The following KIR3DL2 variants were observed in gnomAD, a reference collection of about 807,000 sequenced individuals.
KIR3DL2 encodes killer cell immunoglobulin like receptor, three Ig domains and long cytoplasmic tail 2.
In KIR3DL2, 42 loss-of-function variants were observed where a neutral mutation model predicts 41.6. The ratio of observed to expected loss-of-function variants is 1.01; its 90% CI spans 0.79 to 1.31. The LOEUF is 1.31. KIR3DL2 is among the 50% of genes most tolerant of loss of function. The probability of loss-of-function intolerance (pLI) is 0.00; values close to 1 mark genes in which losing one functional copy is unlikely to be tolerated. For missense variants in KIR3DL2, 728 were observed against 576.8 expected, an observed-to-expected ratio of 1.26 and a Z score of -2.68; for synonymous variants, 230 against 221.3, an observed-to-expected ratio of 1.04 and a Z score of -0.35.
rs1334589381 is a variant in KIR3DL2, at chr19:54,852,125, C to G, written c.198C>G (p.Ser66Arg). The stretch of plus-strand genomic sequence containing the variant: ...TCATGCTGTACAAAGAAGACAGAAG[C>G]CACGTTCCCATCTTCCACGGCAGAA... ...NNFMLYKEDR[S>R]HVPIFHGRIF... is the part of the protein sequence containing the mutation. Residue 66 changes from serine (S) to arginine (R), a missense_variant, in exon 3 of 9, where the codon AGC becomes AGG. By Grantham distance (110) the Ser-to-Arg change is moderately radical. Transcript: ENST00000326321. 1 of 1,612,928 alleles carries G rather than the reference C, an allele frequency of 6.2e-7. No homozygotes were observed. Among genetic ancestry groups the G allele is most frequent in the Non-Finnish European group, 8.5e-7 (1 of 1,179,644 alleles).
intron 8 of KIR3DL2, 38 bp downstream of exon 8, chr19:54,866,460 T>C (rs906419071): frequency 1.9e-6 from 3 of 1,613,926 alleles, no homozygotes; most frequent in South Asian, 1.1e-5. Flanking sequence ...GATACAGTCT[T>C]ATCCCTAATA....
chr19:54,866,436 G>C lies in KIR3DL2; in HGVS notation c.1158+14G>C. The C allele has an allele frequency of 6.2e-7, 1 of 1,613,786 alleles. No homozygotes were observed. The highest frequency in any genetic ancestry group is 1.1e-5 in the South Asian group (1 of 91,070). ...GTGAATAGGCAGGTAGGTCCTCCTC[G>C]GCCCAGCCTCACGGATACAGTCTTA... On this transcript the variant is annotated intron_variant, in intron 8 of 8. Transcript: ENST00000326321.
At chr19:54,854,163 C>G (rs1394272474) in intron 4 of KIR3DL2, 117 bp downstream of exon 4, 1 of 1,287,414 alleles carries the variant, frequency 7.8e-7, no homozygotes, top group Non-Finnish European at 1.1e-6. Context: ...TGGAGAGAGA[C>G]TGACTCGGTG....
rs369114807 is a variant in KIR3DL2 at position 54,865,664 on chromosome 19, G to A, written c.1001-141G>A. The A allele has an allele frequency of 1.4e-5, 10 of 718,408 alleles. No homozygotes were observed. The South Asian group carries it at 1.7e-4, about 12-fold the overall frequency. 44.5% of individuals were successfully genotyped at this position (718,408 alleles called of 1,614,324 possible). On this transcript the variant is annotated intron_variant, in intron 6 of 8. Transcript: ENST00000326321. ...TATGAGAGCTGTAACTGAGAAAGCA[G>A]GAGAAAGCTGGGTCTCCCGCCATCA...
chr19:54,855,586 C>A lies in KIR3DL2; in HGVS notation c.656-33C>A, dbSNP rs2064680832. The A allele has an allele frequency of 3.7e-6, 6 of 1,603,178 alleles. 1 individual carries two copies. Among genetic ancestry groups the A allele is most frequent in the Admixed American group, 1.8e-5 (1 of 56,346 alleles). ...TGAGGGGAGCTGTGACAAGGAAGAA[C>A]CTCCCTGAGGAAACTGCCTCTTCTC... is the stretch of plus-strand genomic sequence containing the variant. On this transcript the variant is annotated intron_variant, in intron 4 of 8. Transcript: ENST00000326321.
intron 2 of KIR3DL2, among the ~76,000 whole-genome samples, chr19:54,851,738 AC>A (rs1453775656): frequency 6.6e-6 from 1 of 151,562 alleles, no homozygotes; most frequent in African/African-American, 2.4e-5. Flanking sequence ...TGCCGTGTCT[AC>A]TTTGTGTTGT....
At chr19:54,858,384 T>G (rs1396560551) in intron 5 of KIR3DL2, among the ~76,000 whole-genome samples, 1 of 150,278 alleles carries the variant, frequency 6.7e-6, no homozygotes, top group African/African-American at 2.5e-5. Context: ...CCCACACCAT[T>G]TATTGAAGAC....
chr19:54,864,719 C>T (rs571844778), intron 6 of KIR3DL2, among the ~76,000 whole-genome samples: 2 of 152,138 alleles, frequency 1.3e-5, no homozygotes, highest in Admixed American at 6.5e-5. Flanking sequence ...TATCCTGAGA[C>T]TTTGTAGAAG....
At chr19:54,854,565 C>T (rs1480456604) in intron 4 of KIR3DL2, among the ~76,000 whole-genome samples, 1 of 151,750 alleles carries the variant, frequency 6.6e-6, no homozygotes, top group Non-Finnish European at 1.5e-5. Context: ...AGAACACCAA[C>T]CCCTAAATAC....
At position 54,851,253 on chromosome 19, in the gene KIR3DL2, TG is replaced by T. The variant is rs2064207922; in HGVS notation, c.70+1del. 6.2e-6 allele frequency: 10 copies of T among 1,608,382 alleles called. No individual in the cohort carries two copies. The highest frequency in any genetic ancestry group is 8.5e-6 in the Non-Finnish European group (10 of 1,177,548). ...FFLLQGAWPL[M>X]GGQDKPFLSA... ...TTGCTGCAGGGGGCCTGGCCACTCA[TG>T]GGTGAGTCCGTCCCCAAACCTTAGG... On this transcript the variant is annotated frameshift_variant and splice_region_variant, in exon 2 of 9. Coordinates refer to ENST00000326321, the MANE Select transcript of KIR3DL2 (RefSeq NM_006737.4). LOFTEE classifies it high-confidence loss of function.
intron 6 of KIR3DL2, among the ~76,000 whole-genome samples, chr19:54,861,211 G>T (rs12608800): frequency 7.7e-6 from 1 of 130,518 alleles, no homozygotes; most frequent in Non-Finnish European, 1.7e-5. Context: ...GGAAAGGCTT[G>T]CTGGGTTTAA....
rs1396260353 is a variant in KIR3DL2, at chr19:54,866,702, C to G, written c.1339C>G (p.Pro447Ala). ...CAAAGTTGTCTCCTGCCCACGAGCACCACAGTCAGGTCTTGAGGGGGTTTT... is the reference window on the plus strand; with the variant it reads ...CAAAGTTGTCTCCTGCCCACGAGCAGCACAGTCAGGTCTTGAGGGGGTTTT... ...RSKVVSCPRA[P>A]QSGLEGVF Residue 447 changes from proline to alanine, a missense_variant, in exon 9 of 9, where the codon CCA becomes GCA. Coordinates refer to ENST00000326321, the MANE Select transcript of KIR3DL2 (RefSeq NM_006737.4). 1 of 1,613,990 alleles carries G rather than the reference C, an allele frequency of 6.2e-7. No homozygotes were observed. Among genetic ancestry groups the G allele is most frequent in the Non-Finnish European group, 8.5e-7 (1 of 1,179,960 alleles).
rs2065404024 is a variant in KIR3DL2 at position 54,864,925 on chromosome 19, T to G, written c.1001-880T>G. On this transcript the variant is annotated intron_variant, in intron 6 of 8. Transcript: ENST00000326321. ...TAGGAGTGGTGAAAGAGGGCATCCC[T>G]GTCTTGTGCCAGTTTTCAAAGGGAA... 3.3e-5 allele frequency among the ~76,000 whole-genome samples: 5 copies of G among 152,156 alleles called. No individual in the cohort carries two copies. In the South Asian group the frequency reaches 1.0e-3, roughly 31 times the overall value.
In KIR3DL2 at chr19:54,865,910, G is replaced by A. The variant is rs1416293755; in HGVS notation, c.1105+1G>A. ...TATCGCTGGTGCTCCAACAAAAAGA[G>A]TAAGTCTCACGAAGCAGAGGCCAGA... is the stretch of plus-strand genomic sequence containing the variant. On this transcript the variant is annotated splice_donor_variant, in intron 7 of 8. Coordinates refer to ENST00000326321, the MANE Select transcript of KIR3DL2 (RefSeq NM_006737.4). LOFTEE classifies it high-confidence loss of function. The A allele has an allele frequency of 6.2e-7, 1 of 1,610,522 alleles. No individual in the cohort carries two copies. The highest frequency in any genetic ancestry group is 2.2e-5 in the East Asian group (1 of 44,870).
At chr19:54,853,368 T>C (rs2064454427) in intron 3 of KIR3DL2, among the ~76,000 whole-genome samples, 1 of 151,700 alleles carries the variant, frequency 6.6e-6, no homozygotes, top group African/African-American at 2.4e-5. Flanking sequence ...GATGAGTTGA[T>C]ACCTCTGCCA....
chr19:54,854,873 C>T (rs2145604799), intron 4 of KIR3DL2, among the ~76,000 whole-genome samples: 1 of 151,588 alleles, frequency 6.6e-6, no homozygotes, highest in South Asian at 2.1e-4. Flanking sequence ...GGATGGATTG[C>T]AGAGATTCCA....
chr19:54,852,052 G>A lies in KIR3DL2; in HGVS notation c.125G>A (p.Gly42Glu). The change falls in exon 3 of 9, where the codon GGA becomes GAA. Residue 42 changes from glycine (G) to glutamate (E), a missense_variant. By Grantham distance (98) the Gly-to-Glu change is moderately conservative. Coordinates refer to ENST00000326321, the MANE Select transcript of KIR3DL2 (RefSeq NM_006737.4). ...SARPSTVVPR[G>E]GHVALQCHYR... is the part of the protein sequence containing the mutation. ...CGGCCCAGCACTGTGGTGCCTCGAG[G>A]AGGACACGTGGCTCTTCAGTGTCAC... 6.2e-7 allele frequency: 1 copy of A among 1,612,298 alleles called. No individual in the cohort carries two copies. The highest frequency in any genetic ancestry group is 1.7e-5 in the Admixed American group (1 of 59,964).
Position 54,851,948 on chromosome 19 carries a change from GGGGT to G in KIR3DL2, c.71-47_71-44del, listed in dbSNP as rs781665738. Reference sequence around the variant, plus strand: ...AGAATCTTCTGAGCACAGGGAGGGAGGGGTGGCTCCACATCCTCCTCTCTAAGGC... The same window carrying G: ...AGAATCTTCTGAGCACAGGGAGGGAGGGCTCCACATCCTCCTCTCTAAGGC... On this transcript the variant is annotated intron_variant, in intron 2 of 8. Coordinates refer to ENST00000326321, the MANE Select transcript of KIR3DL2 (RefSeq NM_006737.4). 8.2e-6 allele frequency: 13 copies of G among 1,590,144 alleles called. No individual in the cohort carries two copies. In the African/African-American group the frequency reaches 1.6e-4, roughly 20 times the overall value.
At chr19:54,857,355 T>A (rs1419995549) in intron 5 of KIR3DL2, among the ~76,000 whole-genome samples, 3 of 151,456 alleles carry the variant, frequency 2.0e-5, no homozygotes, top group Non-Finnish European at 4.4e-5. Flanking sequence ...TTTCCCAAAG[T>A]GCTGAAGTTA....
Sources: gnomAD v4.1 joint callset for allele counts (sites outside exome capture counted in the v4.1 genomes callset) on GRCh38, gnomAD v4.1.1 for gene constraint, MANE v1.5 for transcripts, NCBI Gene and HGNC (gene_info 2026-07-23, HGNC 2026-07-21) for gene names.